Variants in KIAA1328 observed in about 807,000 individuals in gnomAD.
KIAA1328 encodes KIAA1328, also known as protein hinderin.
In KIAA1328, 52 loss-of-function variants were observed where a neutral mutation model predicts 68.1. The observed-to-expected ratio is 0.76, with a 90% CI of 0.61 to 0.96. The LOEUF is 0.96. Among genes scored for constraint, KIAA1328 ranks in the 40% least tolerant of loss-of-function variants. The pLI is 0.00. For synonymous variants in KIAA1328, 232 were observed against 239.4 expected (o/e 0.97, Z 0.28); for missense variants, 641 against 677.6 (o/e 0.95, Z 0.60).
chr18:37,061,701 C>G (rs2056153779), intron 6 of KIAA1328, among the ~76,000 whole-genome samples: 1 of 152,102 alleles, frequency 6.6e-6, no homozygotes, highest in African/African-American at 2.4e-5. Context: ...TCCTTGTGTC[C>G]TAAAGGCAAC....
At chr18:36,877,755 C>T (rs2048184292) in intron 4 of KIAA1328, among the ~76,000 whole-genome samples, 1 of 150,860 alleles carries the variant, frequency 6.6e-6, no homozygotes, top group African/African-American at 2.4e-5. Context: ...CAAGCTGTGC[C>T]TCCCAGGTTC....
At chr18:37,122,271 A>G (rs1298061151) in intron 7 of KIAA1328, among the ~76,000 whole-genome samples, 1 of 152,126 alleles carries the variant, frequency 6.6e-6, no homozygotes, top group East Asian at 1.9e-4. Flanking sequence ...GATAAGGATG[A>G]AAACGTGTCC....
intron 5 of KIAA1328, among the ~76,000 whole-genome samples, chr18:36,937,729 C>A (rs1022233724): frequency 6.6e-6 from 1 of 151,980 alleles, no homozygotes; most frequent in African/African-American, 2.4e-5. Context: ...TGTAGTAATA[C>A]TTACATTTAT....
At chr18:37,193,061 C>G (rs1052307265) in intron 9 of KIAA1328, among the ~76,000 whole-genome samples, 4 of 152,208 alleles carry the variant, frequency 2.6e-5, no homozygotes, top group Admixed American at 2.6e-4. Flanking sequence ...TAGTCTTTCA[C>G]CAAACCTCCC....
intron 6 of KIAA1328, among the ~76,000 whole-genome samples, chr18:36,975,300 A>C (rs2052421434): frequency 6.8e-6 from 1 of 148,052 alleles, no homozygotes; most frequent in Non-Finnish European, 1.5e-5. Context: ...CTCCTGCCTC[A>C]GCCTCCCAAG....
At chr18:37,169,168 A>AT (rs1488537619) in intron 8 of KIAA1328, among the ~76,000 whole-genome samples, 2 of 148,828 alleles carry the variant, frequency 1.3e-5, no homozygotes, top group African/African-American at 4.9e-5. Flanking sequence ...TTATTTATTT[A>AT]TATTTTTTTT....
At chr18:36,994,281 A>G (rs1290723972) in intron 6 of KIAA1328, among the ~76,000 whole-genome samples, 1 of 152,208 alleles carries the variant, frequency 6.6e-6, no homozygotes, top group Non-Finnish European at 1.5e-5. Context: ...GAAAGCTCAC[A>G]ATGGTTTCTG....
chr18:36,831,468 T>A (rs951148459), intron 1 of KIAA1328, among the ~76,000 whole-genome samples: 1 of 152,248 alleles, frequency 6.6e-6, no homozygotes, highest in Non-Finnish European at 1.5e-5. Context: ...CTCCTTCAGT[T>A]TAAGTTGCCT....
intron 6 of KIAA1328, among the ~76,000 whole-genome samples, chr18:37,042,466 T>C (rs1197077398): frequency 6.6e-6 from 1 of 152,236 alleles, no homozygotes; most frequent in Non-Finnish European, 1.5e-5. Flanking sequence ...TATGTGGATG[T>C]CTATTTTGCC....
rs934173177 is a variant in KIAA1328 at position 37,106,665 on chromosome 18, G to C, written c.1232+39120G>C. ...AACTCCTGACCTCAAGCCTGGCTTG[G>C]CCTCCCAAAGTTCTGGGATTACAGG... On this transcript the variant is annotated intron_variant, in intron 7 of 9. Transcript: ENST00000280020. Among the ~76,000 whole-genome samples, 15 of 151,980 alleles carry C rather than the reference G, an allele frequency of 9.9e-5. 1 individual carries two copies. Among genetic ancestry groups the C allele is most frequent in the Admixed American group, 9.2e-4 (14 of 15,260 alleles).
intron 7 of KIAA1328, among the ~76,000 whole-genome samples, chr18:37,109,484 A>G (rs2151897655): frequency 6.6e-6 from 1 of 152,240 alleles, no homozygotes; most frequent in Non-Finnish European, 1.5e-5. Context: ...TTAGTACATA[A>G]TTTGTGGGAT....
At chr18:36,843,763 A>G (rs1420177837) in intron 3 of KIAA1328, among the ~76,000 whole-genome samples, 1 of 152,148 alleles carries the variant, frequency 6.6e-6, no homozygotes, top group Non-Finnish European at 1.5e-5. Context: ...TATTGCTATT[A>G]TTACTCTTTG....
At chr18:37,070,716 G>C (rs960649948) in intron 7 of KIAA1328, among the ~76,000 whole-genome samples, 8 of 151,634 alleles carry the variant, frequency 5.3e-5, no homozygotes, top group Admixed American at 2.6e-4. Context: ...GATTACAGGT[G>C]CCCACCACCA....
chr18:36,967,732 C>T (rs2052001438), intron 6 of KIAA1328, among the ~76,000 whole-genome samples: 1 of 152,024 alleles, frequency 6.6e-6, no homozygotes, highest in Non-Finnish European at 1.5e-5. Flanking sequence ...GGGGAGGAAG[C>T]TGGGAACCCT....
intron 4 of KIAA1328, among the ~76,000 whole-genome samples, chr18:36,860,157 A>G (rs1368881913): frequency 2.0e-5 from 3 of 152,144 alleles, no homozygotes; most frequent in Non-Finnish European, 4.4e-5. Context: ...TGATTTTACT[A>G]GTTTGAAAAA....
At chr18:37,000,901 A>G (rs12327038) in intron 6 of KIAA1328, among the ~76,000 whole-genome samples, 17,554 of 152,094 alleles carry the variant, frequency 0.12, 1,321 homozygotes, top group Non-Finnish European at 0.17. Flanking sequence ...CAGCACCAAG[A>G]GGGAATTTTA....
In KIAA1328 at chr18:36,891,836, G is replaced by T. The variant is rs188609766; in HGVS notation, c.448+6164G>T. On this transcript the variant is annotated intron_variant, in intron 5 of 9. Transcript: ENST00000280020. ...TGGGTGGATACCCAGTAGTGGGATT[G>T]CTGGATCAAATATTCATTTACATTA... Among the ~76,000 whole-genome samples the T allele has an allele frequency of 4.6e-5, 7 of 152,214 alleles. No individual in the cohort carries two copies. In the East Asian group the frequency reaches 1.4e-3, roughly 29 times the overall value.
intron 5 of KIAA1328, among the ~76,000 whole-genome samples, chr18:36,940,726 A>G (rs891275752): frequency 2.2e-5 from 3 of 136,358 alleles, no homozygotes; most frequent in Non-Finnish European, 3.0e-5. Flanking sequence ...ACCAGGCTGG[A>G]GTGCAGTGGT....
chr18:37,067,451 GA>G lies in KIAA1328; in HGVS notation c.1142del (p.Lys381ArgfsTer17). ...GCTTCAGAAAATGGAACTGGAAATT[GA>G]AAAGGAGCGCCTTCAGCATCTGCTG... ...LMLQKMELEI[E>X]KERLQHLLAQ... is the part of the protein sequence containing the mutation. On this transcript the variant is annotated frameshift_variant, in exon 7 of 10. Coordinates refer to ENST00000280020, the MANE Select transcript of KIAA1328 (RefSeq NM_020776.3). LOFTEE classifies it high-confidence loss of function. The G allele has an allele frequency of 6.3e-7, 1 of 1,578,076 alleles. No homozygotes were observed. Among genetic ancestry groups the G allele is most frequent in the Admixed American group, 1.9e-5 (1 of 53,814 alleles).
Sources: gnomAD v4.1 joint callset for allele counts (sites outside exome capture counted in the v4.1 genomes callset) on GRCh38, gnomAD v4.1.1 for gene constraint, MANE v1.5 for transcripts, NCBI Gene and HGNC (gene_info 2026-07-23, HGNC 2026-07-21) for gene names.